ITPK1: variants seen among roughly 807,000 people sequenced by gnomAD.
ITPK1 encodes inositol-tetrakisphosphate 1-kinase.
Under a neutral mutation model 45.3 loss-of-function variants are expected in ITPK1, and 21 were observed. The observed-to-expected ratio is 0.46, with a 90% CI of 0.33 to 0.67. The LOEUF is 0.67. ITPK1 is among the 30% of genes least tolerant of loss of function. ITPK1 has a pLI of 0.02. For synonymous variants in ITPK1, 258 were observed against 253.6 expected (o/e 1.02, Z -0.16); for missense variants, 474 against 573.5 (o/e 0.83, Z 1.77).
chr14:92,961,384 A>G (rs551363935), intron 7 of ITPK1, among the ~76,000 whole-genome samples: 1 of 152,330 alleles, frequency 6.6e-6, no homozygotes, highest in South Asian at 2.1e-4. Context: ...CTCACATCCT[A>G]TGCATCTGTC....
chr14:93,095,273 C>T (rs900839458), intron 2 of ITPK1, among the ~76,000 whole-genome samples: 2 of 152,234 alleles, frequency 1.3e-5, no homozygotes, highest in African/African-American at 4.8e-5. Context: ...ATAAATCTAG[C>T]AGGCAGTGAA....
At chr14:92,975,655 T>C (rs1885903855) in intron 5 of ITPK1, among the ~76,000 whole-genome samples, 1 of 152,212 alleles carries the variant, frequency 6.6e-6, no homozygotes, top group Non-Finnish European at 1.5e-5. Context: ...GCCTGTCCAA[T>C]CAGTCAAAGG....
chr14:92,937,666 G>A lies in ITPK1; in HGVS notation c.*3895C>T, dbSNP rs1344492394. On this transcript the variant is annotated 3_prime_UTR_variant, in exon 11 of 11. Transcript: ENST00000267615. ...CACAGCACAGACCCTTTCTCACAAG[G>A]GGAGGACCCATGGGAGAAGCCTCGC... is the stretch of plus-strand genomic sequence containing the variant. 6.6e-6 allele frequency: 1 copy of A among 152,526 alleles called. No homozygotes were observed. Among genetic ancestry groups the A allele is most frequent in the Non-Finnish European group, 1.5e-5 (1 of 68,266 alleles). The allele number at this position is 152,526 out of a possible 1,614,324, so 9.4% of individuals were successfully genotyped here.
intron 4 of ITPK1, among the ~76,000 whole-genome samples, chr14:92,995,636 C>T (rs1887017445): frequency 6.6e-6 from 1 of 152,202 alleles, no homozygotes; most frequent in Admixed American, 6.5e-5. Context: ...GCCTGTGACT[C>T]TCCTCACCCC....
chr14:93,038,619 C>T (rs796912222), intron 3 of ITPK1, among the ~76,000 whole-genome samples: 7 of 152,332 alleles, frequency 4.6e-5, no homozygotes, highest in African/African-American at 1.7e-4. Context: ...CCTCCACCTC[C>T]TGGGTTCAAG....
chr14:92,963,248 G>C (rs190755415), intron 5 of ITPK1, among the ~76,000 whole-genome samples: 1 of 152,240 alleles, frequency 6.6e-6, no homozygotes, highest in East Asian at 1.9e-4. Flanking sequence ...CATTTTTTCT[G>C]GTTCAATAAA....
intron 3 of ITPK1, among the ~76,000 whole-genome samples, chr14:93,019,444 C>G (rs76805139): frequency 0.025 from 3,736 of 152,348 alleles, 76 homozygotes; most frequent in Non-Finnish European, 0.038. Flanking sequence ...CAGCTGAGCT[C>G]TGGAAACGGG....
Position 92,947,893 on chromosome 14 carries a change from C to T in ITPK1, c.739-1400G>A, listed in dbSNP as rs532588439. On this transcript the variant is annotated intron_variant, in intron 9 of 10. Coordinates refer to ENST00000267615, the MANE Select transcript of ITPK1 (RefSeq NM_014216.6). Reference sequence around the variant, plus strand: ...CACACCCCAGAGCTGAGAACGTGTACTCAAACGGATGCTGTCCACCCACGC... The same window carrying T: ...CACACCCCAGAGCTGAGAACGTGTATTCAAACGGATGCTGTCCACCCACGC... 5.9e-5 allele frequency among the ~76,000 whole-genome samples: 9 copies of T among 152,304 alleles called. No individual in the cohort carries two copies. The South Asian group carries it at 1.9e-3, about 32-fold the overall frequency.
intron 5 of ITPK1, among the ~76,000 whole-genome samples, chr14:92,992,096 C>T (rs1886819162): frequency 6.6e-6 from 1 of 152,192 alleles, no homozygotes; most frequent in Admixed American, 6.5e-5. Context: ...TCCAAAAGGC[C>T]CTTCAGCGGC....
chr14:93,036,215 T>C lies in ITPK1; in HGVS notation c.121-19414A>G, dbSNP rs1196205807. ...AGAGGCCACAACCGGAGGGACACTG[T>C]CCCCGTCCTACTGGGAAGGGCCGCT... On this transcript the variant is annotated intron_variant, in intron 3 of 10. Coordinates refer to ENST00000267615, the MANE Select transcript of ITPK1 (RefSeq NM_014216.6). This position sits in a 1 kb window ranked among gnomAD's most constrained non-coding sequence, Gnocchi z 4.1. 1.3e-5 allele frequency among the ~76,000 whole-genome samples: 2 copies of C among 152,014 alleles called. No homozygotes were observed. Among genetic ancestry groups the C allele is most frequent in the East Asian group, 3.9e-4 (2 of 5,170 alleles).
chr14:92,983,421 G>A (rs752011817), intron 5 of ITPK1, among the ~76,000 whole-genome samples: 2 of 152,146 alleles, frequency 1.3e-5, no homozygotes, highest in Non-Finnish European at 2.9e-5. Flanking sequence ...CAAAGATGAC[G>A]CTTACATTCA....
chr14:93,104,631 C>T (rs951500389), intron 2 of ITPK1, among the ~76,000 whole-genome samples: 1 of 152,164 alleles, frequency 6.6e-6, no homozygotes, highest in Non-Finnish European at 1.5e-5. Context: ...CTGGCCTCTC[C>T]CTGAGTCTCA....
intron 4 of ITPK1, among the ~76,000 whole-genome samples, chr14:93,008,538 C>A (rs111843832): frequency 3.9e-5 from 6 of 152,232 alleles, no homozygotes; most frequent in Non-Finnish European, 5.9e-5. Flanking sequence ...GCGTGGGAGG[C>A]CTGGGGCAGG....
chr14:93,020,123 C>T (rs1201970857), intron 3 of ITPK1, among the ~76,000 whole-genome samples: 1 of 152,198 alleles, frequency 6.6e-6, no homozygotes, highest in African/African-American at 2.4e-5. Context: ...TCAGAGAAAA[C>T]AAGGGGCCAC....
At chr14:93,028,769 G>A (rs370539108) in intron 3 of ITPK1, among the ~76,000 whole-genome samples, 4 of 152,162 alleles carry the variant, frequency 2.6e-5, no homozygotes, top group Non-Finnish European at 2.9e-5. Flanking sequence ...AACAGTAACC[G>A]CCTTCAGGTT....
intron 8 of ITPK1, among the ~76,000 whole-genome samples, chr14:92,956,380 T>C (rs1884728424): frequency 6.6e-6 from 1 of 151,956 alleles, no homozygotes. Context: ...TCTTCCCACC[T>C]TGGTCTCTTC....
intron 3 of ITPK1, among the ~76,000 whole-genome samples, chr14:93,039,495 A>G (rs1889469640): frequency 6.6e-6 from 1 of 152,136 alleles, no homozygotes; most frequent in Non-Finnish European, 1.5e-5. Context: ...AAAATTAAAA[A>G]CAGAAACCTC....
intron 2 of ITPK1, among the ~76,000 whole-genome samples, chr14:93,108,708 C>A (rs906051484): frequency 6.6e-6 from 1 of 152,230 alleles, no homozygotes; most frequent in Non-Finnish European, 1.5e-5. Flanking sequence ...TCTTTGTGAG[C>A]AGTTTCAGAA....
Position 92,958,464 on chromosome 14 carries a change from C to T in ITPK1, c.505-98G>A, listed in dbSNP as rs1053777008. ...CCTGTCCAGAGCACCTCCACCAAGG[C>T]CCATCCCTGGTCCTGTGGCATGAGG... On this transcript the variant is annotated intron_variant, in intron 7 of 10. Transcript: ENST00000267615. This position sits in a 1 kb window ranked among gnomAD's most constrained non-coding sequence, Gnocchi z 4.4. 1.3e-5 allele frequency: 15 copies of T among 1,184,384 alleles called. No homozygotes were observed. In the African/African-American group the frequency reaches 2.1e-4, roughly 17 times the overall value. The allele number at this position is 1,184,384 out of a possible 1,614,324, so 73.4% of individuals were successfully genotyped here.
Sources: gnomAD v4.1 joint callset for allele counts (sites outside exome capture counted in the v4.1 genomes callset) on GRCh38, gnomAD v4.1.1 for gene constraint, Gnocchi (gnomAD v3.1) non-coding constraint, MANE v1.5 for transcripts, NCBI Gene and HGNC (gene_info 2026-07-23, HGNC 2026-07-21) for gene names.